CNGB3: variants seen among roughly 807,000 people sequenced by gnomAD.
CNGB3 encodes cyclic nucleotide gated channel subunit beta 3, also known as cyclic nucleotide-gated channel beta-3.
CNGB3 carries 86 observed loss-of-function variants against 92.8 expected under a neutral mutation model. The ratio of observed to expected loss-of-function variants is 0.93; its 90% CI spans 0.78 to 1.11. The LOEUF (loss-of-function observed/expected upper bound fraction) is 1.11. Among genes scored for constraint, CNGB3 ranks in the 50% least tolerant of loss-of-function variants. CNGB3 has a pLI of 0.00. For missense variants in CNGB3, 1,026 were observed against 956.8 expected, an observed-to-expected ratio of 1.07 and a Z score of -0.95; for synonymous variants, 333 against 332.7, an observed-to-expected ratio of 1.00 and a Z score of -0.01.
At chr8:86,608,225 T>A (rs1822449079) in intron 14 of CNGB3, among the ~76,000 whole-genome samples, 1 of 152,248 alleles carries the variant, frequency 6.6e-6, no homozygotes, top group East Asian at 1.9e-4. Context: ...TCTATAATCA[T>A]AACCTAGGGA....
At chr8:86,644,291 C>T (rs553626109) in intron 9 of CNGB3, among the ~76,000 whole-genome samples, 7 of 151,268 alleles carry the variant, frequency 4.6e-5, no homozygotes, top group South Asian at 2.1e-4. Flanking sequence ...GAACAACAAA[C>T]GAATGAAATT....
chr8:86,663,745 G>T (rs1189844632), intron 6 of CNGB3, among the ~76,000 whole-genome samples: 1 of 152,144 alleles, frequency 6.6e-6, no homozygotes, highest in Non-Finnish European at 1.5e-5. Context: ...AGTTTCAAAG[G>T]CTGCAGCTAC....
chr8:86,596,187 C>T lies in CNGB3; in HGVS notation c.1781+7906G>A, dbSNP rs142728539. Among the ~76,000 whole-genome samples the T allele has an allele frequency of 9.4e-3, 1,432 of 152,188 alleles. 12 individuals carry two copies. Among genetic ancestry groups the T allele is most frequent in the Middle Eastern group, 0.034 (10 of 294 alleles). ...TTATTTCCAGGCACTATTTAGAGAA[C>T]TGCAAATTAAAATAACCTATTAAAA... On this transcript the variant is annotated intron_variant, in intron 15 of 17. Coordinates refer to ENST00000320005, the MANE Select transcript of CNGB3 (RefSeq NM_019098.5).
intron 3 of CNGB3, among the ~76,000 whole-genome samples, chr8:86,676,417 C>G (rs1384794929): frequency 1.3e-5 from 2 of 152,074 alleles, no homozygotes; most frequent in Non-Finnish European, 2.9e-5. Context: ...AATAAAGGCT[C>G]AAACATTTTA....
intron 3 of CNGB3, among the ~76,000 whole-genome samples, chr8:86,720,248 T>A (rs1030228306): frequency 4.6e-5 from 7 of 152,130 alleles, no homozygotes; most frequent in Non-Finnish European, 7.3e-5. Flanking sequence ...AATCTATATA[T>A]CTGACAAAGG....
At chr8:86,684,900 TG>T (rs917571562) in intron 3 of CNGB3, among the ~76,000 whole-genome samples, 1 of 151,988 alleles carries the variant, frequency 6.6e-6, no homozygotes, top group Admixed American at 6.6e-5. Context: ...ATTTTGACTG[TG>T]GTGGGGGGAT....
chr8:86,725,225 G>A (rs1386339355), intron 3 of CNGB3, among the ~76,000 whole-genome samples: 1 of 152,146 alleles, frequency 6.6e-6, no homozygotes, highest in East Asian at 1.9e-4. Context: ...GAGTGTATTG[G>A]TGTGAGGAAG....
intron 2 of CNGB3, among the ~76,000 whole-genome samples, chr8:86,735,645 G>C (rs1485617091): frequency 6.6e-6 from 1 of 152,092 alleles, no homozygotes; most frequent in Non-Finnish European, 1.5e-5. Flanking sequence ...ATCCAACTCT[G>C]CTTTCATTGT....
chr8:86,739,085 G>A (rs1201674856), intron 2 of CNGB3, among the ~76,000 whole-genome samples: 8 of 152,074 alleles, frequency 5.3e-5, no homozygotes, highest in African/African-American at 1.9e-4. Context: ...ATATACCGTC[G>A]TGTACATCTA....
intron 8 of CNGB3, among the ~76,000 whole-genome samples, 175 bp from the exon 9 acceptor site, chr8:86,644,861 G>A (rs964579392): frequency 1.3e-5 from 2 of 150,808 alleles, no homozygotes; most frequent in Non-Finnish European, 3.0e-5. Context: ...TTTATAGCAT[G>A]GTATTATACT....
chr8:86,582,597 C>A (rs1336921314), intron 15 of CNGB3, among the ~76,000 whole-genome samples: 1 of 151,994 alleles, frequency 6.6e-6, no homozygotes, highest in Non-Finnish European at 1.5e-5. Context: ...GGGGAAGTAC[C>A]TAAGATAGAG....
chr8:86,579,159 T>A lies in CNGB3; in HGVS notation c.1875A>T (p.Gln625His). 1 of 1,614,212 alleles carries A rather than the reference T, an allele frequency of 6.2e-7. No individual in the cohort carries two copies. The highest frequency in any genetic ancestry group is 8.5e-7 in the Non-Finnish European group (1 of 1,180,038). ...AATCTGGATAATGCACTAGAATTTCTTGGAGGGTCTTTTTGTCTAGAGTTA... is the reference window on the plus strand; with the variant it reads ...AATCTGGATAATGCACTAGAATTTCATGGAGGGTCTTTTTGTCTAGAGTTA... ...NLLTLDKKTLQEILVHYPDSE... is the reference protein window; with the variant it reads ...NLLTLDKKTLHEILVHYPDSE... Residue 625 changes from glutamine (Q) to histidine (H), a missense_variant, in exon 16 of 18, where the codon CAA (glutamine) becomes CAT (histidine). Transcript: ENST00000320005.
chr8:86,625,700 A>G (rs1822832138), intron 13 of CNGB3, among the ~76,000 whole-genome samples: 1 of 152,140 alleles, frequency 6.6e-6, no homozygotes, highest in Admixed American at 6.5e-5. Flanking sequence ...TAGCAAAGAC[A>G]TAGAGCCATG....
chr8:86,681,268 G>A (rs192217568), intron 3 of CNGB3, among the ~76,000 whole-genome samples: 9 of 152,220 alleles, frequency 5.9e-5, no homozygotes, highest in East Asian at 5.8e-4. Flanking sequence ...GATAAGAGAC[G>A]TGAAGAGAAA....
At position 86,741,376 on chromosome 8, in the gene CNGB3, T is replaced by C. The variant is rs577292883; in HGVS notation, c.130-1640A>G. 1.2e-4 allele frequency among the ~76,000 whole-genome samples: 18 copies of C among 152,222 alleles called. No homozygotes were observed. In the South Asian group the frequency reaches 3.7e-3, roughly 32 times the overall value. ...TTGCCCAAATATGACTTTTAAGATA[T>C]AATGTGGCTGAGCACAGTGGCTCAT... On this transcript the variant is annotated intron_variant, in intron 1 of 17. Coordinates refer to ENST00000320005, the MANE Select transcript of CNGB3 (RefSeq NM_019098.5).
At position 86,626,046 on chromosome 8, in the gene CNGB3, C is replaced by T. The variant is rs751667290; in HGVS notation, c.1515G>A (p.Thr505=). ...CATCAATGGCGAGGGCTAACTGGACCGTAGTTGGTAGGGTCTTAAGCAAAT... is the reference window on the plus strand; with the variant it reads ...CATCAATGGCGAGGGCTAACTGGACTGTAGTTGGTAGGGTCTTAAGCAAAT... The part of the protein sequence containing the change: ...ESDLLKTLPT[T]VQLALAIDVN... The change falls in exon 13 of 18, where the codon ACG becomes ACA. Residue 505 remains threonine, a synonymous_variant. Coordinates refer to ENST00000320005, the MANE Select transcript of CNGB3 (RefSeq NM_019098.5). 1.9e-5 allele frequency: 31 copies of T among 1,613,486 alleles called. No individual in the cohort carries two copies. The highest frequency in any genetic ancestry group is 8.9e-5 in the East Asian group (4 of 44,846).
intron 6 of CNGB3, among the ~76,000 whole-genome samples, chr8:86,666,090 C>A (rs1312953638): frequency 1.3e-5 from 2 of 152,174 alleles, no homozygotes; most frequent in African/African-American, 4.8e-5. Context: ...CAACACCAGG[C>A]TGTCTCCTAA....
Position 86,625,958 on chromosome 8 carries a change from G to A in CNGB3, c.1578+25C>T, listed in dbSNP as rs112671789. On this transcript the variant is annotated intron_variant, in intron 13 of 17. Coordinates refer to ENST00000320005, the MANE Select transcript of CNGB3 (RefSeq NM_019098.5). Reference sequence around the variant, plus strand: ...GATTCCATAGAGAAATAGATACAGAGTCTATTAATTGTAAAAGCACTTGCC... The same window carrying A: ...GATTCCATAGAGAAATAGATACAGAATCTATTAATTGTAAAAGCACTTGCC... 167 of 1,535,964 alleles carry A rather than the reference G, an allele frequency of 1.1e-4. No homozygotes were observed. In the African/African-American group the frequency reaches 1.7e-3, roughly 15 times the overall value.
At chr8:86,631,020 T>G (rs111612795) in intron 11 of CNGB3, among the ~76,000 whole-genome samples, 2 of 152,226 alleles carry the variant, frequency 1.3e-5, no homozygotes, top group Non-Finnish European at 2.9e-5. Flanking sequence ...CTATGAGAGT[T>G]TGAGGCACAT....
Sources: allele counts gnomAD v4.1 joint callset (sites outside exome capture counted in the v4.1 genomes callset), GRCh38; gene constraint gnomAD v4.1.1; transcripts MANE v1.5; gene names NCBI Gene and HGNC (gene_info 2026-07-23, HGNC 2026-07-21).